The following CACNB1 variants were observed in gnomAD, a reference collection of about 807,000 sequenced individuals.
The protein encoded by CACNB1 is voltage-dependent L-type calcium channel subunit beta-1.
In CACNB1, 29 loss-of-function variants were observed where a neutral mutation model predicts 71.6. The observed-to-expected ratio is 0.40, with a 90% confidence interval of 0.30 to 0.55. The LOEUF is 0.55. Ranked by LOEUF, CACNB1 falls within the 20% of genes least tolerant of loss-of-function variation. CACNB1 has a pLI of 0.38. For synonymous variants in CACNB1, 300 were observed against 319.6 expected, an observed-to-expected ratio of 0.94 and a Z score of 0.65; for missense variants, 623 against 801.8, an observed-to-expected ratio of 0.78 and a Z score of 2.69.
At chr17:39,176,589 C>T (rs1218891154) in intron 13 of CACNB1, among the ~76,000 whole-genome samples, 1 of 152,224 alleles carries the variant, frequency 6.6e-6, no homozygotes, top group Non-Finnish European at 1.5e-5. Context: ...ACATCCTCAG[C>T]TTCCACGTAA....
At chr17:39,178,376 T>C in intron 11 of CACNB1, 1 of 164,080 alleles carries the variant, frequency 6.1e-6, no homozygotes. Flanking sequence ...CCCACTCTCC[T>C]TTTTTTTTGT....
chr17:39,186,675 G>A lies in CACNB1; in HGVS notation c.552-103C>T. 2 of 1,522,404 alleles carry A rather than the reference G, an allele frequency of 1.3e-6. No homozygotes were observed. Among genetic ancestry groups the A allele is most frequent in the South Asian group, 2.4e-5 (2 of 84,992 alleles). 94.3% of individuals were successfully genotyped at this position (1,522,404 alleles called of 1,614,324 possible). On this transcript the variant is annotated intron_variant, in intron 5 of 13. Transcript: ENST00000394303. This position sits in a 1 kb window ranked among gnomAD's most constrained non-coding sequence, Gnocchi z 4.1. ...CCCCGGAGGTGCTCCAGCCCCACTGGTGATGCCACAGGCAGCTCTGTGCCC... is the reference window on the plus strand; with the variant it reads ...CCCCGGAGGTGCTCCAGCCCCACTGATGATGCCACAGGCAGCTCTGTGCCC...
Position 39,186,323 on chromosome 17 carries a change from A to G in CACNB1, c.628+173T>C. 1.6e-6 allele frequency: 1 copy of G among 636,200 alleles called. No homozygotes were observed. The highest frequency in any genetic ancestry group is 1.9e-5 in the South Asian group (1 of 51,622). 39.4% of individuals were successfully genotyped at this position (636,200 alleles called of 1,614,324 possible). A position where few individuals can be genotyped will look rare whatever the true frequency, so the allele number is the denominator to read the frequency against. ...AAAGAAAAGGGAGAGGAGAGACATG[A>G]CAGGCCCAGCTTGAGGGGTAGCCTA... is the stretch of plus-strand genomic sequence containing the variant. On this transcript the variant is annotated intron_variant, in intron 6 of 13. Coordinates refer to ENST00000394303, the MANE Select transcript of CACNB1 (RefSeq NM_000723.5). The surrounding 1 kb of genome is among the most constrained non-coding windows in gnomAD (Gnocchi z 4.1).
intron 3 of CACNB1, among the ~76,000 whole-genome samples, chr17:39,189,849 C>G (rs77782888): frequency 1.3e-5 from 2 of 150,412 alleles, no homozygotes; most frequent in South Asian, 4.2e-4. Flanking sequence ...CAGTGGCTTA[C>G]GCCTGTAATC....
chr17:39,187,129 C>G, intron 4 of CACNB1, 200 bp from the exon 5 acceptor site: 1 of 622,986 alleles, frequency 1.6e-6, no homozygotes, highest in Non-Finnish European at 2.8e-6. Context: ...GCTTTCTGGC[C>G]ATGGACCACC....
chr17:39,182,615 T>C (rs991988403), intron 11 of CACNB1, among the ~76,000 whole-genome samples: 22 of 150,766 alleles, frequency 1.5e-4, no homozygotes, highest in Non-Finnish European at 3.1e-4. Context: ...GGCAGGAGAA[T>C]CGCTTGAACC....
At position 39,175,865 on chromosome 17, in the gene CACNB1, G is replaced by A. The variant is rs1304291727; in HGVS notation, c.1333-208C>T. 2.0e-5 allele frequency among the ~76,000 whole-genome samples: 3 copies of A among 152,244 alleles called. No individual in the cohort carries two copies. The East Asian group carries it at 5.8e-4, about 29-fold the overall frequency. ...CATTTGCTCCTCTCTCGGGACAGGG[G>A]GCACCCGACCTTCAACAGATGTGAG... On this transcript the variant is annotated intron_variant, in intron 13 of 13. Transcript: ENST00000394303. The surrounding 1 kb of genome is among the most constrained non-coding windows in gnomAD (Gnocchi z 4.7).
chr17:39,187,683 T>A, intron 3 of CACNB1, 82 bp from the exon 4 acceptor site: 1 of 1,465,822 alleles, frequency 6.8e-7, no homozygotes, highest in South Asian at 1.2e-5. Context: ...TAGTGGTGGT[T>A]ACTTGGATGT....
chr17:39,195,081 A>C, intron 1 of CACNB1, 111 bp from the exon 2 acceptor site: 3 of 693,486 alleles, frequency 4.3e-6, no homozygotes, highest in African/African-American at 1.8e-5. Flanking sequence ...TCCCAGCCCC[A>C]CCTCCACCCC....
chr17:39,174,882 T>G lies in CACNB1; in HGVS notation c.*311A>C. ...CACTTAGGGCCCCGAGTAGAAAGAGTTAAGGAAGTGCACCTTTTCTCTAGG... is the reference window on the plus strand; with the variant it reads ...CACTTAGGGCCCCGAGTAGAAAGAGGTAAGGAAGTGCACCTTTTCTCTAGG... On this transcript the variant is annotated 3_prime_UTR_variant, in exon 14 of 14. Transcript: ENST00000394303. 1 of 341,570 alleles carries G rather than the reference T, an allele frequency of 2.9e-6. No individual in the cohort carries two copies. Among genetic ancestry groups the G allele is most frequent in the Non-Finnish European group, 5.4e-6 (1 of 185,066 alleles). 21.2% of individuals were successfully genotyped at this position (341,570 alleles called of 1,614,324 possible). A position where few individuals can be genotyped will look rare whatever the true frequency, so the allele number is the denominator to read the frequency against.
rs978224531 is a variant in CACNB1, at chr17:39,174,877, A to G, written c.*316T>C. On this transcript the variant is annotated 3_prime_UTR_variant, in exon 14 of 14. Coordinates refer to ENST00000394303, the MANE Select transcript of CACNB1 (RefSeq NM_000723.5). The stretch of plus-strand genomic sequence containing the variant: ...ACCGTCACTTAGGGCCCCGAGTAGA[A>G]AGAGTTAAGGAAGTGCACCTTTTCT... 36 of 299,118 alleles carry G rather than the reference A, an allele frequency of 1.2e-4. No homozygotes were observed. Among genetic ancestry groups the G allele is most frequent in the Non-Finnish European group, 9.4e-5 (15 of 159,834 alleles). 18.5% of individuals were successfully genotyped at this position (299,118 alleles called of 1,614,324 possible).
chr17:39,183,990 G>A lies in CACNB1; in HGVS notation c.898+41C>T, dbSNP rs111370424. The A allele has an allele frequency of 7.7e-4, 1,176 of 1,521,342 alleles. 6 individuals are homozygous for A. The African/African-American group carries it at 0.013, about 17-fold the overall frequency. The allele number at this position is 1,521,342 out of a possible 1,614,324, so 94.2% of individuals were successfully genotyped here. A position where few individuals can be genotyped will look rare whatever the true frequency, so the allele number is the denominator to read the frequency against. On this transcript the variant is annotated intron_variant, in intron 10 of 13. Transcript: ENST00000394303. ...CACACCTCCCACCCCTCCCACATCC[G>A]GCCCAGAAAGGGGGAGTGAAGACAG...
In CACNB1 at chr17:39,175,429, C is replaced by G. The variant is rs1289860520; in HGVS notation, c.1561G>C (p.Asp521His). 3 of 1,614,112 alleles carry G rather than the reference C, an allele frequency of 1.9e-6. No individual in the cohort carries two copies. The African/African-American group carries it at 4.0e-5, about 22-fold the overall frequency. ...CCCTCTGAGGGGTCAGTCTCCATGT[C>G]CACACATGAGTCTCCCAGCTCCGTG... ...AYTELGDSCV[D>H]METDPSEGPG... Residue 521 changes from aspartate to histidine, a missense_variant, in exon 14 of 14, where the codon GAC becomes CAC. By Grantham distance (81) the Asp-to-His change is moderately conservative. Coordinates refer to ENST00000394303, the MANE Select transcript of CACNB1 (RefSeq NM_000723.5). This position sits in a 1 kb window ranked among gnomAD's most constrained non-coding sequence, Gnocchi z 4.7.
rs750388846 is a variant in CACNB1 at position 39,175,375 on chromosome 17, C to A, written c.1615G>T (p.Gly539Cys). 1.2e-6 allele frequency: 2 copies of A among 1,614,040 alleles called. No homozygotes were observed. The highest frequency in any genetic ancestry group is 8.5e-7 in the Non-Finnish European group (1 of 1,180,040). Residue 539 changes from glycine to cysteine, a missense_variant, in exon 14 of 14, where the codon GGC (glycine) becomes TGC (cysteine). Physicochemically the swap from Gly to Cys is radical, Grantham distance 159 (BLOSUM62 -3). Transcript: ENST00000394303. This position sits in a 1 kb window ranked among gnomAD's most constrained non-coding sequence, Gnocchi z 4.7. ...GATCCCTGTCGGGCTGGGGGCGTGC[C>A]GCCCCCTGCAGGGTCTCCAAGCCCT... ...GPGLGDPAGG[G>C]TPPARQGSWE...
intron 2 of CACNB1, chr17:39,193,833 G>A (rs2046147242): frequency 5.7e-6 from 1 of 176,624 alleles, no homozygotes; most frequent in African/African-American, 2.4e-5. Flanking sequence ...ATTGAAGAAA[G>A]GACTTCCTGT....
chr17:39,186,886 C>T lies in CACNB1; in HGVS notation c.458G>A (p.Gly153Asp). ...DWWIGRLVKEGCEVGFIPSPV... is the reference protein window; with the variant it reads ...DWWIGRLVKEDCEVGFIPSPV... ...GCTGGGAATGAAGCCAACCTCACAG[C>T]CCTCCTTCACCAGCCGCCCGATCCA... Residue 153 changes from glycine to aspartate, a missense_variant, in exon 5 of 14, where the codon GGC becomes GAC. Gly to Asp is a moderately conservative substitution (Grantham distance 94). Coordinates refer to ENST00000394303, the MANE Select transcript of CACNB1 (RefSeq NM_000723.5). The surrounding 1 kb of genome is among the most constrained non-coding windows in gnomAD (Gnocchi z 4.1). 1 of 1,614,130 alleles carries T rather than the reference C, an allele frequency of 6.2e-7. No individual in the cohort carries two copies. The highest frequency in any genetic ancestry group is 8.5e-7 in the Non-Finnish European group (1 of 1,179,964).
chr17:39,176,214 C>G (rs1839329929), intron 13 of CACNB1, among the ~76,000 whole-genome samples: 1 of 152,200 alleles, frequency 6.6e-6, no homozygotes, highest in South Asian at 2.1e-4. Context: ...TTGCCCCCAA[C>G]AAGCACTCAA....
At chr17:39,196,342 C>T (rs2046200800) in intron 1 of CACNB1, among the ~76,000 whole-genome samples, 1 of 152,124 alleles carries the variant, frequency 6.6e-6, no homozygotes, top group Admixed American at 6.5e-5. Context: ...CCCTCCCCCA[C>T]CACTGCCAGG....
intron 6 of CACNB1, chr17:39,185,928 G>A (rs2045926798): frequency 6.2e-7 from 1 of 1,605,818 alleles, no homozygotes; most frequent in South Asian, 1.1e-5. Flanking sequence ...CCCACCTCTT[G>A]CAAGAACACA....
Sources: allele counts gnomAD v4.1 joint callset (sites outside exome capture counted in the v4.1 genomes callset), GRCh38; gene constraint gnomAD v4.1.1; non-coding constraint Gnocchi (gnomAD v3.1); transcripts MANE v1.5; gene names NCBI Gene and HGNC (gene_info 2026-07-23, HGNC 2026-07-21).